CCDC178: variants seen among roughly 807,000 people sequenced by gnomAD.
CCDC178 encodes coiled-coil domain-containing protein 178.
CCDC178 carries 126 observed loss-of-function variants against 117.4 expected under a neutral mutation model. The ratio of observed to expected loss-of-function variants is 1.07; its 90% CI spans 0.93 to 1.24. CCDC178 has a LOEUF of 1.24. CCDC178 is among the 50% of genes most tolerant of loss of function. The pLI is 0.00. For missense variants in CCDC178, 1,030 were observed against 986.9 expected (o/e 1.04, Z -0.59); for synonymous variants, 283 against 313.4 (o/e 0.90, Z 1.02).
At chr18:33,415,984 C>T (rs770803229) in intron 2 of CCDC178, among the ~76,000 whole-genome samples, 1 of 152,238 alleles carries the variant, frequency 6.6e-6, no homozygotes, top group African/African-American at 2.4e-5. Flanking sequence ...GTAGAAGAGA[C>T]CAGCAACCCA....
intron 21 of CCDC178, among the ~76,000 whole-genome samples, chr18:33,053,272 C>T (rs1276213398): frequency 1.3e-5 from 2 of 152,086 alleles, no homozygotes; most frequent in African/African-American, 2.4e-5. Context: ...TGTTTCATTA[C>T]CCCAAATCAC....
intron 20 of CCDC178, among the ~76,000 whole-genome samples, chr18:33,147,141 C>CTTT (rs963180337): frequency 1.7e-5 from 2 of 117,384 alleles, no homozygotes; most frequent in African/African-American, 3.2e-5. Flanking sequence ...TAGCTGATTT[C>CTTT]TTTTTTTTTT....
chr18:33,278,013 A>G (rs2059971048), intron 12 of CCDC178, among the ~76,000 whole-genome samples: 1 of 152,016 alleles, frequency 6.6e-6, no homozygotes, highest in Non-Finnish European at 1.5e-5. Context: ...TATGCAAAAT[A>G]CATTCACCTC....
intron 21 of CCDC178, among the ~76,000 whole-genome samples, chr18:33,078,439 A>C (rs974114704): frequency 2.0e-5 from 3 of 152,186 alleles, no homozygotes; most frequent in Admixed American, 2.0e-4. Context: ...CAGAGCAATC[A>C]GGCAAGAGAA....
At chr18:33,353,127 G>A (rs2062999789) in intron 7 of CCDC178, among the ~76,000 whole-genome samples, 1 of 151,672 alleles carries the variant, frequency 6.6e-6, no homozygotes, top group Admixed American at 6.6e-5. Flanking sequence ...ATATCTTCTT[G>A]GTGGAATGAC....
intron 20 of CCDC178, among the ~76,000 whole-genome samples, chr18:33,112,033 T>A (rs189558371): frequency 6.6e-6 from 1 of 151,916 alleles, no homozygotes; most frequent in Admixed American, 6.6e-5. Context: ...AAGTTTCAAA[T>A]CAATGAGACT....
intron 12 of CCDC178, among the ~76,000 whole-genome samples, chr18:33,279,106 G>A (rs1203050045): frequency 6.6e-6 from 1 of 152,070 alleles, no homozygotes; most frequent in Non-Finnish European, 1.5e-5. Context: ...TCTGGCCAGG[G>A]CAATGAGGCA....
In CCDC178 at chr18:33,050,105, T is replaced by C. The variant is rs2056721460; in HGVS notation, c.2388+42656A>G. Among the ~76,000 whole-genome samples the C allele has an allele frequency of 2.0e-5, 3 of 151,748 alleles. No homozygotes were observed. The South Asian group carries it at 6.2e-4, about 32-fold the overall frequency. On this transcript the variant is annotated intron_variant, in intron 21 of 22. Coordinates refer to ENST00000383096, the MANE Select transcript of CCDC178 (RefSeq NM_001105528.4). ...CAAAAATAAATAAATAAATAAATAA[T>C]ATTTTAAGAATACAACTAAGATCAC...
chr18:33,136,573 T>C (rs1434568565), intron 20 of CCDC178, among the ~76,000 whole-genome samples: 2 of 152,140 alleles, frequency 1.3e-5, no homozygotes, highest in African/African-American at 4.8e-5. Context: ...AAGAATAATA[T>C]ATGTGTGGCC....
intron 21 of CCDC178, among the ~76,000 whole-genome samples, chr18:33,011,767 C>CAAAAAAAAAAAAAAAA (rs71177899): frequency 6.7e-5 from 2 of 30,016 alleles, no homozygotes; most frequent in Non-Finnish European, 9.0e-5. Context: ...GAGCAGAATG[C>CAAAAAAAAAAAAAAAA]AAAAAAAAAA....
At chr18:33,065,183 T>C (rs1253310204) in intron 21 of CCDC178, among the ~76,000 whole-genome samples, 1 of 152,156 alleles carries the variant, frequency 6.6e-6, no homozygotes, top group Non-Finnish European at 1.5e-5. Flanking sequence ...TGGTGTTCTA[T>C]TGCACAGTAG....
chr18:33,385,230 C>T (rs892382460), intron 5 of CCDC178, among the ~76,000 whole-genome samples: 3 of 152,068 alleles, frequency 2.0e-5, no homozygotes, highest in African/African-American at 7.2e-5. Flanking sequence ...TTCTTAGAGA[C>T]CTACAAAGAG....
intron 12 of CCDC178, among the ~76,000 whole-genome samples, chr18:33,280,613 A>G (rs2060011843): frequency 6.6e-6 from 1 of 151,964 alleles, no homozygotes; most frequent in South Asian, 2.1e-4. Flanking sequence ...GTATATACCC[A>G]AAGGACTATA....
At chr18:33,132,198 G>A (rs971894225) in intron 20 of CCDC178, among the ~76,000 whole-genome samples, 2 of 151,616 alleles carry the variant, frequency 1.3e-5, no homozygotes, top group Admixed American at 1.3e-4. Context: ...TGATAAATAA[G>A]TTGTTTTCTG....
At chr18:33,168,573 T>C (rs2058561209) in intron 20 of CCDC178, among the ~76,000 whole-genome samples, 1 of 152,190 alleles carries the variant, frequency 6.6e-6, no homozygotes, top group Non-Finnish European at 1.5e-5. Flanking sequence ...AAAAATAAAT[T>C]TTTAAAATCC....
chr18:33,350,950 G>A (rs907910356), intron 7 of CCDC178, among the ~76,000 whole-genome samples: 8 of 151,960 alleles, frequency 5.3e-5, no homozygotes, highest in African/African-American at 1.9e-4. Flanking sequence ...TTTTGCTCCT[G>A]TTCTTAAGAT....
At chr18:33,120,852 C>T (rs1234944211) in intron 20 of CCDC178, among the ~76,000 whole-genome samples, 1 of 151,954 alleles carries the variant, frequency 6.6e-6, no homozygotes, top group African/African-American at 2.4e-5. Context: ...GGATATTAAA[C>T]AAGAAGAATG....
At chr18:33,319,438 T>A (rs1288358239) in intron 11 of CCDC178, among the ~76,000 whole-genome samples, 1 of 152,162 alleles carries the variant, frequency 6.6e-6, no homozygotes, top group Non-Finnish European at 1.5e-5. Flanking sequence ...ATCCCGTCCA[T>A]CATTGATGGA....
At chr18:33,332,182 GTTTA>G (rs1196433519) in intron 10 of CCDC178, among the ~76,000 whole-genome samples, 1 of 152,096 alleles carries the variant, frequency 6.6e-6, no homozygotes, top group Admixed American at 6.5e-5. Flanking sequence ...ACTATGTATT[GTTTA>G]TTAACACACA....
Sources: gnomAD v4.1 joint callset for allele counts (sites outside exome capture counted in the v4.1 genomes callset) on GRCh38, gnomAD v4.1.1 for gene constraint, MANE v1.5 for transcripts, NCBI Gene and HGNC (gene_info 2026-07-23, HGNC 2026-07-21) for gene names.